The following STMND1 variants were observed in gnomAD, a reference collection of about 807,000 sequenced individuals.
STMND1 encodes stathmin domain-containing protein 1.
A neutral mutation model predicts 23.0 loss-of-function variants in STMND1; 17 were observed. That is an observed-to-expected ratio of 0.74 (90% CI 0.51 to 1.11). The LOEUF is 1.11. STMND1 is among the 50% of genes least tolerant of loss of function. The pLI, the probability that STMND1 is intolerant of heterozygous loss-of-function variation, is 0.00. For synonymous variants in STMND1, 114 were observed against 119.9 expected (o/e 0.95, Z 0.32); for missense variants, 305 against 329.1 (o/e 0.93, Z 0.57).
intron 1 of STMND1, among the ~76,000 whole-genome samples, chr6:17,106,291 A>G (rs1761024008): frequency 6.6e-6 from 1 of 152,096 alleles, no homozygotes; most frequent in Non-Finnish European, 1.5e-5. Context: ...GCATTTTATT[A>G]TATGTGTTTG....
chr6:17,128,952 G>A lies in STMND1; in HGVS notation c.412-160G>A, dbSNP rs1036549093. 1.0e-4 allele frequency: 59 copies of A among 592,946 alleles called. No homozygotes were observed. In the Admixed American group the frequency reaches 1.2e-3, roughly 12 times the overall value. 36.7% of individuals were successfully genotyped at this position (592,946 alleles called of 1,614,324 possible). On this transcript the variant is annotated intron_variant, in intron 3 of 4. Coordinates refer to ENST00000536551, the MANE Select transcript of STMND1 (RefSeq NM_001190766.2). The stretch of plus-strand genomic sequence containing the variant: ...GGCCTCAAACTCCGGAGCTCAAGCA[G>A]TCTTCCCACCTTGGCCTCCCAAAGT...
intron 2 of STMND1, among the ~76,000 whole-genome samples, chr6:17,115,472 C>A (rs1306606827): frequency 6.6e-6 from 1 of 151,592 alleles, no homozygotes; most frequent in Non-Finnish European, 1.5e-5. Flanking sequence ...TTTAAACTCC[C>A]ACGATGATAA....
chr6:17,116,931 CA>C (rs1204283156), intron 2 of STMND1, among the ~76,000 whole-genome samples: 1 of 152,136 alleles, frequency 6.6e-6, no homozygotes, highest in Admixed American at 6.5e-5. Context: ...CCCCCTTATG[CA>C]AGCAGATTTT....
intron 1 of STMND1, among the ~76,000 whole-genome samples, chr6:17,103,839 G>A (rs1227531139): frequency 6.6e-6 from 1 of 151,842 alleles, no homozygotes; most frequent in Non-Finnish European, 1.5e-5. Flanking sequence ...CAAAGTGCTG[G>A]GATTACAGGT....
intron 1 of STMND1, among the ~76,000 whole-genome samples, chr6:17,114,412 C>T (rs1761131649): frequency 6.6e-6 from 1 of 151,954 alleles, no homozygotes; most frequent in African/African-American, 2.4e-5. Flanking sequence ...TTACAGGCAC[C>T]CGCCACCATG....
intron 3 of STMND1, among the ~76,000 whole-genome samples, chr6:17,126,049 TATATATATATATATATATATA>T (rs1201615723): frequency 6.4e-5 from 2 of 31,246 alleles, no homozygotes; most frequent in African/African-American, 1.5e-4. Context: ...TATATATATA[TATATATATATATATATATATA>T]TTTTTTTTTT....
chr6:17,120,542 A>C, intron 2 of STMND1, 65 bp from the exon 3 acceptor site: 1 of 1,326,126 alleles, frequency 7.5e-7, no homozygotes, highest in Non-Finnish European at 1.0e-6. Context: ...TCCGTTTAGC[A>C]TTTGATTGAA....
chr6:17,106,833 T>A (rs936545107), intron 1 of STMND1, among the ~76,000 whole-genome samples: 3 of 152,184 alleles, frequency 2.0e-5, no homozygotes, highest in African/African-American at 7.2e-5. Flanking sequence ...TTCCCTTCAC[T>A]TTTACTTTAG....
chr6:17,130,973 TTC>T lies in STMND1; in HGVS notation c.*93_*94del. 8.2e-7 allele frequency: 1 copy of T among 1,220,614 alleles called. No homozygotes were observed. Among genetic ancestry groups the T allele is most frequent in the Non-Finnish European group, 1.1e-6 (1 of 900,138 alleles). 75.6% of individuals were successfully genotyped at this position (1,220,614 alleles called of 1,614,324 possible). A position where few individuals can be genotyped will look rare whatever the true frequency, so the allele number is the denominator to read the frequency against. On this transcript the variant is annotated 3_prime_UTR_variant, in exon 5 of 5. Transcript: ENST00000536551. The stretch of plus-strand genomic sequence containing the variant: ...CATATTCTTTGACTGACTGACCTCA[TTC>T]CACTGGGATTTCTGCCTTGGGCTTA...
chr6:17,119,654 C>G (rs1395581853), intron 2 of STMND1, among the ~76,000 whole-genome samples: 1 of 151,554 alleles, frequency 6.6e-6, no homozygotes, highest in Non-Finnish European at 1.5e-5. Context: ...GAGATGAGAT[C>G]TCGCCATTGC....
In STMND1 at chr6:17,102,226, AAGCCCGCGGAGGAGG is replaced by A. The variant is rs1208890296; in HGVS notation, c.-28_-14del. ...GCGCTCGCGGGGGCGCACAGCAGCC[AAGCCCGCGGAGGAGG>A]AGCGCGCGCGCGCAGCATGGGCTGT... is the stretch of plus-strand genomic sequence containing the variant. On this transcript the variant is annotated 5_prime_UTR_variant, in exon 1 of 5. Coordinates refer to ENST00000536551, the MANE Select transcript of STMND1 (RefSeq NM_001190766.2). The A allele has an allele frequency of 2.0e-6, 3 of 1,514,538 alleles. No individual in the cohort carries two copies. The African/African-American group carries it at 4.3e-5, about 21-fold the overall frequency. The allele number at this position is 1,514,538 out of a possible 1,614,324, so 93.8% of individuals were successfully genotyped here.
chr6:17,129,296 G>C (rs77285716), intron 4 of STMND1, 53 bp downstream of exon 4: 1,133 of 1,517,210 alleles, frequency 7.5e-4, no homozygotes, highest in Non-Finnish European at 9.7e-4. Context: ...CTGTTAAAAT[G>C]ATCTCACCCC....
At chr6:17,128,344 C>T (rs1277941588) in intron 3 of STMND1, 5 of 152,274 alleles carry the variant, frequency 3.3e-5, no homozygotes, top group South Asian at 4.1e-4. Flanking sequence ...GTTCAGTAAT[C>T]GTTAATTATC....
At chr6:17,111,150 C>G (rs2113477983) in intron 1 of STMND1, among the ~76,000 whole-genome samples, 1 of 152,158 alleles carries the variant, frequency 6.6e-6, no homozygotes. Context: ...TAACACGGAC[C>G]AGCATTTTGT....
Position 17,124,476 on chromosome 6 carries a change from TTCATGAAGGTCCC to T in STMND1, c.411+3734_411+3746del, listed in dbSNP as rs139339193. ...GGATGTTGAAAATTGAGGGTTCACC[TTCATGAAGGTCCC>T]TCATGAAGGTCCCTCTTCCGAATCG... On this transcript the variant is annotated intron_variant, in intron 3 of 4. Transcript: ENST00000536551. 9.2e-3 allele frequency among the ~76,000 whole-genome samples: 1,405 copies of T among 152,324 alleles called. 22 individuals carry two copies. Among genetic ancestry groups the T allele is most frequent in the African/African-American group, 0.032 (1,320 of 41,576 alleles).
intron 4 of STMND1, among the ~76,000 whole-genome samples, 156 bp from the exon 5 acceptor site, chr6:17,130,438 G>A (rs771708274): frequency 2.0e-5 from 3 of 152,164 alleles, no homozygotes; most frequent in African/African-American, 4.8e-5. Flanking sequence ...GGCAGGCCCC[G>A]TGTCTGCCTT....
chr6:17,124,517 G>A (rs115411885), intron 3 of STMND1, among the ~76,000 whole-genome samples: 1,840 of 152,286 alleles, frequency 0.012, 41 homozygotes, highest in African/African-American at 0.042. Flanking sequence ...CCGAATCGGG[G>A]GCATCCCCCA....
chr6:17,126,070 A>ATATAT (rs1561925814), intron 3 of STMND1, among the ~76,000 whole-genome samples: 1 of 20,532 alleles, frequency 4.9e-5, no homozygotes, highest in Admixed American at 9.8e-4. Flanking sequence ...ATATATATAT[A>ATATAT]TTTTTTTTTT....
chr6:17,105,716 G>A (rs1761014823), intron 1 of STMND1, among the ~76,000 whole-genome samples: 2 of 151,300 alleles, frequency 1.3e-5, no homozygotes, highest in African/African-American at 4.9e-5. Flanking sequence ...CACAAGGTCA[G>A]GAGATCGAGA....
Sources: gnomAD v4.1 joint callset for allele counts (sites outside exome capture counted in the v4.1 genomes callset) on GRCh38, gnomAD v4.1.1 for gene constraint, MANE v1.5 for transcripts, NCBI Gene and HGNC (gene_info 2026-07-23, HGNC 2026-07-21) for gene names.